Variants in CLSTN2 observed in about 807,000 individuals in gnomAD.
The protein encoded by CLSTN2 is calsyntenin 2, also known as calsyntenin-2.
A neutral mutation model predicts 101.2 loss-of-function variants in CLSTN2; 48 were observed. That is an observed-to-expected ratio of 0.47 (90% CI 0.38 to 0.60). CLSTN2 has a LOEUF of 0.60. CLSTN2 is among the 20% of genes least tolerant of loss of function. CLSTN2 has a pLI of 0.00. For missense variants in CLSTN2, 1,160 were observed against 1,238.2 expected, an observed-to-expected ratio of 0.94 and a Z score of 0.95; for synonymous variants, 481 against 463.6, an observed-to-expected ratio of 1.04 and a Z score of -0.48.
intron 2 of CLSTN2, among the ~76,000 whole-genome samples, chr3:140,342,479 C>T (rs1353546611): frequency 6.6e-6 from 1 of 152,008 alleles, no homozygotes; most frequent in African/African-American, 2.4e-5. Context: ...ACACTTCCAG[C>T]TTGTGTAGGG....
At position 140,562,302 on chromosome 3, in the gene CLSTN2, A is replaced by G; in HGVS notation, c.2206A>G (p.Ile736Val). The G allele has an allele frequency of 6.2e-7, 1 of 1,612,368 alleles. No homozygotes were observed. Among genetic ancestry groups the G allele is most frequent in the Non-Finnish European group, 8.5e-7 (1 of 1,179,522 alleles). Reference sequence around the variant, plus strand: ...CACTAATTCTACTGCAGGCTACTCCATCTACGGTAAGGCCACACTCAGCCC... The same window carrying G: ...CACTAATTCTACTGCAGGCTACTCCGTCTACGGTAAGGCCACACTCAGCCC... Reference protein sequence around the residue: ...DATNSTAGYSIYGVGSMSRYE... With the variant: ...DATNSTAGYSVYGVGSMSRYE... The change falls in exon 13 of 17, where the codon ATC becomes GTC. Residue 736 changes from isoleucine (I) to valine (V), a missense_variant. Physicochemically the swap from Ile to Val is conservative, Grantham distance 29. Transcript: ENST00000458420.
At chr3:139,968,008 T>C (rs1473159181) in intron 1 of CLSTN2, among the ~76,000 whole-genome samples, 1 of 152,104 alleles carries the variant, frequency 6.6e-6, no homozygotes, top group East Asian at 1.9e-4. Context: ...TGTGTGCATG[T>C]GTGTGTGTAG....
chr3:140,112,500 G>A (rs1007156651), intron 1 of CLSTN2, among the ~76,000 whole-genome samples: 4 of 152,136 alleles, frequency 2.6e-5, no homozygotes, highest in African/African-American at 9.7e-5. Flanking sequence ...ATCTCAGCAC[G>A]TGGTGCAGAT....
chr3:139,949,598 G>C (rs1026474465), intron 1 of CLSTN2, among the ~76,000 whole-genome samples: 3 of 152,204 alleles, frequency 2.0e-5, no homozygotes, highest in Admixed American at 2.0e-4. Context: ...AGGGTCATGA[G>C]CCTCTGCAGC....
At chr3:140,564,238 C>CT (rs1935988700) in intron 16 of CLSTN2, 93 bp downstream of exon 16, 1 of 1,173,586 alleles carries the variant, frequency 8.5e-7, no homozygotes, top group African/African-American at 1.5e-5. Context: ...CCCATACCCC[C>CT]TCCTTCTGGA....
At chr3:140,122,494 G>C (rs974994461) in intron 1 of CLSTN2, among the ~76,000 whole-genome samples, 1 of 152,220 alleles carries the variant, frequency 6.6e-6, no homozygotes, top group African/African-American at 2.4e-5. Flanking sequence ...AGATAATAAA[G>C]AATGCCTTTA....
intron 1 of CLSTN2, among the ~76,000 whole-genome samples, chr3:139,998,479 A>G (rs1278541875): frequency 1.3e-5 from 2 of 151,212 alleles, no homozygotes; most frequent in Admixed American, 6.6e-5. Flanking sequence ...AGTAGCTGGG[A>G]CCACAGGCGC....
Position 140,525,446 on chromosome 3 carries a change from C to G in CLSTN2, c.1345-6878C>G, listed in dbSNP as rs77543696. On this transcript the variant is annotated intron_variant, in intron 8 of 16. Transcript: ENST00000458420. ...TAATGAATTCTGAGATTTTAAAAAC[C>G]TACTAACCAAAAAGAGCCCTAGACC... Among the ~76,000 whole-genome samples, 8 of 152,000 alleles carry G rather than the reference C, an allele frequency of 5.3e-5. No individual in the cohort carries two copies. The East Asian group carries it at 1.2e-3, about 22-fold the overall frequency.
At chr3:140,116,508 C>A (rs1024018846) in intron 1 of CLSTN2, among the ~76,000 whole-genome samples, 11 of 152,068 alleles carry the variant, frequency 7.2e-5, no homozygotes, top group African/African-American at 2.7e-4. Context: ...TCCTTTTGAA[C>A]AGGGCCAGGA....
At chr3:140,333,089 C>A (rs967910743) in intron 2 of CLSTN2, among the ~76,000 whole-genome samples, 1 of 152,030 alleles carries the variant, frequency 6.6e-6, no homozygotes, top group Non-Finnish European at 1.5e-5. Flanking sequence ...TGAGTAGGAC[C>A]CCAGGTGGAG....
At chr3:140,193,556 C>A (rs1029891117) in intron 2 of CLSTN2, among the ~76,000 whole-genome samples, 6 of 151,626 alleles carry the variant, frequency 4.0e-5, no homozygotes, top group African/African-American at 1.5e-4. Context: ...AGGTAAGGTA[C>A]CATTCTGGTT....
At chr3:140,547,500 GA>G (rs1935619029) in intron 10 of CLSTN2, among the ~76,000 whole-genome samples, 2 of 150,992 alleles carry the variant, frequency 1.3e-5, no homozygotes, top group African/African-American at 4.9e-5. Context: ...AGAAGAAGAA[GA>G]AAAAGAAAAA....
chr3:140,023,901 G>T (rs2107756843), intron 1 of CLSTN2, among the ~76,000 whole-genome samples: 1 of 152,316 alleles, frequency 6.6e-6, no homozygotes, highest in South Asian at 2.1e-4. Context: ...CAGGCTACGG[G>T]GCCAAACCAC....
chr3:140,388,550 C>T (rs2088078826), intron 2 of CLSTN2, among the ~76,000 whole-genome samples: 1 of 152,214 alleles, frequency 6.6e-6, no homozygotes, highest in Non-Finnish European at 1.5e-5. Flanking sequence ...TATTATACTA[C>T]TGAGAAGACA....
intron 1 of CLSTN2, among the ~76,000 whole-genome samples, chr3:139,991,656 C>T (rs1254191389): frequency 6.6e-6 from 1 of 152,208 alleles, no homozygotes; most frequent in South Asian, 2.1e-4. Context: ...TCTGTTAGAT[C>T]CCTCGGGATA....
intron 2 of CLSTN2, among the ~76,000 whole-genome samples, chr3:140,310,266 T>C (rs1260125614): frequency 6.6e-6 from 1 of 151,982 alleles, no homozygotes; most frequent in Admixed American, 6.6e-5. Flanking sequence ...AACTGGCCCA[T>C]AGGCGCCCCC....
At chr3:140,184,025 C>G (rs1190134317) in intron 2 of CLSTN2, among the ~76,000 whole-genome samples, 2 of 152,166 alleles carry the variant, frequency 1.3e-5, no homozygotes, top group Non-Finnish European at 2.9e-5. Flanking sequence ...TTGGGCAGCT[C>G]TGCTCGTCTG....
At chr3:140,309,038 A>G (rs1287439830) in intron 2 of CLSTN2, among the ~76,000 whole-genome samples, 1 of 152,206 alleles carries the variant, frequency 6.6e-6, no homozygotes, top group Non-Finnish European at 1.5e-5. Flanking sequence ...TTATTTAACA[A>G]ATATTTATTG....
chr3:140,359,942 TTATA>T (rs1413151822), intron 2 of CLSTN2, among the ~76,000 whole-genome samples: 2 of 151,286 alleles, frequency 1.3e-5, no homozygotes, highest in Admixed American at 6.6e-5. Flanking sequence ...TATATACACT[TTATA>T]TATGTATTTA....
Sources: allele counts gnomAD v4.1 joint callset (sites outside exome capture counted in the v4.1 genomes callset), GRCh38; gene constraint gnomAD v4.1.1; transcripts MANE v1.5; gene names NCBI Gene and HGNC (gene_info 2026-07-23, HGNC 2026-07-21).